The following SCAPER variants were observed in gnomAD, a reference collection of about 807,000 sequenced individuals.
SCAPER encodes the protein S-phase cyclin A associated protein in the ER.
Under a neutral mutation model 182.2 loss-of-function variants are expected in SCAPER, and 98 were observed. The observed-to-expected ratio is 0.54, with a 90% CI of 0.46 to 0.64. SCAPER has a LOEUF of 0.64. SCAPER is among the 30% of genes least tolerant of loss of function. The pLI, the probability that SCAPER is intolerant of heterozygous loss-of-function variation, is 0.00. For synonymous variants in SCAPER, 605 were observed against 564.6 expected, an observed-to-expected ratio of 1.07 and a Z score of -1.01; for missense variants, 1,432 against 1,690.0, an observed-to-expected ratio of 0.85 and a Z score of 2.68.
intron 5 of SCAPER, among the ~76,000 whole-genome samples, chr15:76,820,147 T>C (rs1465682217): frequency 6.6e-6 from 1 of 152,096 alleles, no homozygotes; most frequent in Non-Finnish European, 1.5e-5. Context: ...GGTGGGACGG[T>C]AAACTAGTTC....
At chr15:76,706,467 C>A (rs1312696524) in intron 17 of SCAPER, among the ~76,000 whole-genome samples, 1 of 152,026 alleles carries the variant, frequency 6.6e-6, no homozygotes, top group Non-Finnish European at 1.5e-5. Flanking sequence ...AGCAAAATTC[C>A]ATAGAAGCTC....
chr15:76,788,692 C>T (rs1310590095), intron 8 of SCAPER, among the ~76,000 whole-genome samples: 1 of 152,138 alleles, frequency 6.6e-6, no homozygotes, highest in Non-Finnish European at 1.5e-5. Context: ...TTTGAAATCT[C>T]TAAGTAAAAG....
chr15:76,810,195 T>C (rs2066485373), intron 5 of SCAPER, among the ~76,000 whole-genome samples: 1 of 151,988 alleles, frequency 6.6e-6, no homozygotes, highest in Admixed American at 6.6e-5. Flanking sequence ...ATATAAAGAA[T>C]AAAAGAACAT....
rs528726530 is a variant in SCAPER, at chr15:76,833,563, G to A, written c.393+8171C>T. On this transcript the variant is annotated intron_variant, in intron 5 of 31. Coordinates refer to ENST00000563290, the MANE Select transcript of SCAPER (RefSeq NM_020843.4). ...CTAAACATTCCACTTAAAAGGCACA[G>A]AGTGGTGAGCTGGATAAAGAAGCAA... 3.3e-5 allele frequency among the ~76,000 whole-genome samples: 5 copies of A among 152,304 alleles called. No homozygotes were observed. The South Asian group carries it at 1.0e-3, about 32-fold the overall frequency.
intron 20 of SCAPER, among the ~76,000 whole-genome samples, chr15:76,678,337 T>A (rs915557678): frequency 6.6e-6 from 1 of 152,010 alleles, no homozygotes; most frequent in East Asian, 1.9e-4. Flanking sequence ...TGGAAAAAAA[T>A]TTCCTCTCAG....
At position 76,766,957 on chromosome 15, in the gene SCAPER, ATTG is replaced by A; in HGVS notation, c.1377_1379del (p.Asn460del). 1 of 1,608,882 alleles carries A rather than the reference ATTG, an allele frequency of 6.2e-7. No individual in the cohort carries two copies. Among genetic ancestry groups the A allele is most frequent in the South Asian group, 1.1e-5 (1 of 89,724 alleles). The stretch of plus-strand genomic sequence containing the variant: ...CGTTGTCAGTTTCAATGTTAATATC[ATTG>A]TTTTCTTCAGCTTCAATTTCTCTAG... On this transcript the variant is annotated inframe_deletion, in exon 11 of 32. Transcript: ENST00000563290.
intron 24 of SCAPER, among the ~76,000 whole-genome samples, chr15:76,496,844 A>G (rs367659207): frequency 6.6e-6 from 1 of 152,150 alleles, no homozygotes. Context: ...AAAGTCAAAT[A>G]TTTTCAAGCC....
Position 76,531,021 on chromosome 15 carries a change from A to G in SCAPER, c.2839-26047T>C, listed in dbSNP as rs73446211. ...TATATATATATAATCCAAACCACAA[A>G]GAGATTAAAAATAAGTTAAAAAACA... is the stretch of plus-strand genomic sequence containing the variant. On this transcript the variant is annotated intron_variant, in intron 23 of 31. Coordinates refer to ENST00000563290, the MANE Select transcript of SCAPER (RefSeq NM_020843.4). Among the ~76,000 whole-genome samples the G allele has an allele frequency of 4.4e-3, 665 of 151,978 alleles. 7 individuals carry two copies. Among genetic ancestry groups the G allele is most frequent in the African/African-American group, 0.015 (633 of 41,484 alleles).
At chr15:76,878,677 T>C (rs1015589583) in intron 2 of SCAPER, among the ~76,000 whole-genome samples, 3 of 151,982 alleles carry the variant, frequency 2.0e-5, no homozygotes, top group African/African-American at 4.8e-5. Context: ...CCTGTAATCC[T>C]AGGACTTTGG....
At position 76,795,130 on chromosome 15, in the gene SCAPER, G is replaced by A. The variant is rs370909213; in HGVS notation, c.772+150C>T. On this transcript the variant is annotated intron_variant, in intron 8 of 31. Coordinates refer to ENST00000563290, the MANE Select transcript of SCAPER (RefSeq NM_020843.4). ...ACAGTGCTGAAAAGTAGTTTTGCTC[G>A]GCTTTTAAGATAATTTTATGTTTTA... is the stretch of plus-strand genomic sequence containing the variant. 2.1e-4 allele frequency: 152 copies of A among 731,688 alleles called. 1 individual carries two copies. The African/African-American group carries it at 2.2e-3, about 11-fold the overall frequency. The allele number at this position is 731,688 out of a possible 1,614,324, so 45.3% of individuals were successfully genotyped here.
At chr15:76,415,409 T>TA (rs1474894310) in intron 26 of SCAPER, among the ~76,000 whole-genome samples, 3 of 152,096 alleles carry the variant, frequency 2.0e-5, no homozygotes, top group Non-Finnish European at 2.9e-5. Context: ...AAAAAGACTT[T>TA]TATAAAGACA....
intron 27 of SCAPER, among the ~76,000 whole-genome samples, chr15:76,382,892 C>G (rs972075777): frequency 3.9e-5 from 6 of 152,092 alleles, no homozygotes; most frequent in Non-Finnish European, 8.8e-5. Flanking sequence ...TATCTTATTG[C>G]TCTTTCTTCA....
At chr15:76,522,339 T>C (rs558063209) in intron 23 of SCAPER, among the ~76,000 whole-genome samples, 29 of 152,278 alleles carry the variant, frequency 1.9e-4, no homozygotes, top group African/African-American at 5.5e-4. Context: ...CACTATACAA[T>C]GACTGATTCA....
chr15:76,542,852 G>A (rs936586851), intron 23 of SCAPER, among the ~76,000 whole-genome samples: 1 of 152,016 alleles, frequency 6.6e-6, no homozygotes, highest in Non-Finnish European at 1.5e-5. Context: ...GATTAATACA[G>A]GCATACCTCT....
At chr15:76,569,642 TCTC>T (rs1218392043) in intron 23 of SCAPER, among the ~76,000 whole-genome samples, 1 of 152,106 alleles carries the variant, frequency 6.6e-6, no homozygotes, top group African/African-American at 2.4e-5. Context: ...ACTTCTCTCT[TCTC>T]CTTTTGGAGC....
At chr15:76,878,070 T>C (rs1424084878) in intron 2 of SCAPER, among the ~76,000 whole-genome samples, 3 of 152,198 alleles carry the variant, frequency 2.0e-5, no homozygotes, top group East Asian at 1.9e-4. Context: ...CAGGTAGATA[T>C]GTGTATATGG....
chr15:76,755,388 A>C (rs2062358228), intron 14 of SCAPER, among the ~76,000 whole-genome samples: 1 of 152,226 alleles, frequency 6.6e-6, no homozygotes, highest in Non-Finnish European at 1.5e-5. Context: ...ACGCATTTTT[A>C]TGAACATTCA....
chr15:76,670,024 G>A (rs977840010), intron 20 of SCAPER, among the ~76,000 whole-genome samples: 7 of 151,980 alleles, frequency 4.6e-5, no homozygotes, highest in African/African-American at 9.7e-5. Flanking sequence ...TATAGACAAC[G>A]CCTTTACACA....
intron 17 of SCAPER, among the ~76,000 whole-genome samples, chr15:76,721,332 T>C (rs1239174866): frequency 1.3e-5 from 2 of 152,052 alleles, no homozygotes; most frequent in East Asian, 3.9e-4. Flanking sequence ...ACTGTAGCCT[T>C]GTAGTATAGT....
Sources: gnomAD v4.1 joint callset for allele counts (sites outside exome capture counted in the v4.1 genomes callset) on GRCh38, gnomAD v4.1.1 for gene constraint, MANE v1.5 for transcripts, NCBI Gene and HGNC (gene_info 2026-07-23, HGNC 2026-07-21) for gene names.